Variants in ANO10 observed in about 807,000 individuals in gnomAD.
ANO10 encodes anoctamin-10.
Under a neutral mutation model 74.7 loss-of-function variants are expected in ANO10, and 77 were observed. That is an observed-to-expected ratio of 1.03 (90% CI 0.86 to 1.25). The LOEUF (loss-of-function observed/expected upper bound fraction) is 1.25, where lower values mean the gene tolerates loss of function less well. Among genes scored for constraint, ANO10 ranks in the 50% most tolerant of loss-of-function variants. ANO10 has a pLI of 0.00. For synonymous variants in ANO10, 279 were observed against 284.9 expected (o/e 0.98, Z 0.21); for missense variants, 721 against 778.1 (o/e 0.93, Z 0.87).
At chr3:43,528,115 T>TA (rs886367949) in intron 11 of ANO10, among the ~76,000 whole-genome samples, 17 of 150,110 alleles carry the variant, frequency 1.1e-4, no homozygotes, top group African/African-American at 3.2e-4. Context: ...GCTCTCAAAC[T>TA]AAAAAAACTC....
At chr3:43,580,284 C>T (rs1446013257) in intron 5 of ANO10, 69 bp downstream of exon 5, 21 of 1,603,510 alleles carry the variant, frequency 1.3e-5, no homozygotes, top group Non-Finnish European at 1.8e-5. Context: ...GGAGCTGACT[C>T]CACTGCTAGA....
intron 1 of ANO10, among the ~76,000 whole-genome samples, chr3:43,617,521 C>A (rs1407030837): frequency 6.6e-6 from 1 of 152,106 alleles, no homozygotes; most frequent in Non-Finnish European, 1.5e-5. Flanking sequence ...AAGTTAAATT[C>A]ATGTGGCTTT....
chr3:43,542,425 G>A (rs944742382), intron 11 of ANO10, among the ~76,000 whole-genome samples: 1 of 152,152 alleles, frequency 6.6e-6, no homozygotes, highest in Non-Finnish European at 1.5e-5. Flanking sequence ...TAACACAGAC[G>A]GAACCAATGC....
intron 1 of ANO10, chr3:43,690,060 CTTT>C (rs544735533): frequency 4.2e-5 from 6 of 142,406 alleles, no homozygotes; most frequent in Non-Finnish European, 3.1e-5. Context: ...TAAACATAGA[CTTT>C]TTTTTTTTTT....
intron 11 of ANO10, among the ~76,000 whole-genome samples, chr3:43,544,832 C>A (rs561508627): frequency 1.0e-4 from 15 of 148,598 alleles, no homozygotes; most frequent in Middle Eastern, 3.5e-3. Flanking sequence ...CAGAAACCTG[C>A]GTAAAAAATA....
chr3:43,508,953 A>G (rs532183350), intron 11 of ANO10, among the ~76,000 whole-genome samples: 65 of 31,006 alleles, frequency 2.1e-3, no homozygotes, highest in Admixed American at 0.011. Flanking sequence ...TAAAAAAAAA[A>G]AAAAGAAAAG....
intron 1 of ANO10, among the ~76,000 whole-genome samples, chr3:43,678,525 G>C (rs972947029): frequency 2.6e-5 from 4 of 152,144 alleles, no homozygotes; most frequent in African/African-American, 7.2e-5. Context: ...ATCCTGTCCT[G>C]TTCCATTCTG....
intron 12 of ANO10, among the ~76,000 whole-genome samples, chr3:43,412,959 G>A (rs896215183): frequency 3.3e-5 from 5 of 152,168 alleles, no homozygotes; most frequent in African/African-American, 1.2e-4. Flanking sequence ...GACAAGGCAG[G>A]AGAATCACAT....
chr3:43,387,977 TTGGATATTCA>T (rs1401321485), intron 12 of ANO10, among the ~76,000 whole-genome samples: 1 of 152,134 alleles, frequency 6.6e-6, no homozygotes, highest in African/African-American at 2.4e-5. Context: ...CAATCCTAAA[TTGGATATTCA>T]CCTTTCTTAG....
intron 1 of ANO10, among the ~76,000 whole-genome samples, chr3:43,644,325 CTT>C (rs767356227): frequency 1.3e-5 from 2 of 152,102 alleles, no homozygotes; most frequent in Non-Finnish European, 1.5e-5. Context: ...CAGGAAATAA[CTT>C]GATTTAGTTT....
intron 11 of ANO10, among the ~76,000 whole-genome samples, chr3:43,455,055 T>C (rs538732699): frequency 6.6e-6 from 1 of 152,182 alleles, no homozygotes; most frequent in East Asian, 1.9e-4. Context: ...ATGTGGGCCA[T>C]CTGCAGTGAC....
At chr3:43,390,757 A>T (rs1411088003) in intron 12 of ANO10, among the ~76,000 whole-genome samples, 1 of 152,120 alleles carries the variant, frequency 6.6e-6, no homozygotes, top group Non-Finnish European at 1.5e-5. Flanking sequence ...TCAAAATTAG[A>T]CTCAAAAGTG....
intron 11 of ANO10, among the ~76,000 whole-genome samples, chr3:43,533,992 TA>T (rs1315255563): frequency 6.6e-6 from 1 of 152,216 alleles, no homozygotes; most frequent in Non-Finnish European, 1.5e-5. Context: ...ATCTGCACAT[TA>T]AATATGCCTG....
intron 12 of ANO10, among the ~76,000 whole-genome samples, chr3:43,421,680 T>C (rs186322559): frequency 6.6e-6 from 1 of 151,602 alleles, no homozygotes; most frequent in African/African-American, 2.4e-5. Flanking sequence ...TACAGAAAAA[T>C]ACAAAATATT....
chr3:43,379,323 T>C (rs999894484), intron 12 of ANO10, among the ~76,000 whole-genome samples: 1 of 152,258 alleles, frequency 6.6e-6, no homozygotes, highest in Non-Finnish European at 1.5e-5. Flanking sequence ...ATTAAAAATA[T>C]TGAATGTGCT....
chr3:43,690,980 C>G, intron 1 of ANO10: 1 of 1,571,500 alleles, frequency 6.4e-7, no homozygotes, highest in Non-Finnish European at 8.6e-7. Flanking sequence ...CCGGCGCTTG[C>G]GCGGCGGCGG....
chr3:43,549,421 G>T (rs148544263), intron 11 of ANO10, among the ~76,000 whole-genome samples: 2,001 of 152,208 alleles, frequency 0.013, 25 homozygotes, highest in Non-Finnish European at 0.023. Flanking sequence ...GATTACAGAC[G>T]TGAGCCATGG....
At position 43,398,976 on chromosome 3, in the gene ANO10, C is replaced by T. The variant is rs143031340; in HGVS notation, c.1915-32002G>A. On this transcript the variant is annotated intron_variant, in intron 12 of 12. Coordinates refer to ENST00000292246, the MANE Select transcript of ANO10 (RefSeq NM_018075.5). ...CCCAAGTAGCTGAACTACAGGCGTG[C>T]GACACCATGCCCAGCTAATTTTTGT... 3.5e-4 allele frequency among the ~76,000 whole-genome samples: 53 copies of T among 152,208 alleles called. No homozygotes were observed. In the East Asian group the frequency reaches 9.5e-3, roughly 27 times the overall value.
At chr3:43,578,784 A>C (rs2081132392) in intron 5 of ANO10, among the ~76,000 whole-genome samples, 1 of 141,688 alleles carries the variant, frequency 7.1e-6, no homozygotes, top group African/African-American at 2.5e-5. Flanking sequence ...AAAAAGGAGT[A>C]GCTAACAGAT....
Sources: allele counts gnomAD v4.1 joint callset (sites outside exome capture counted in the v4.1 genomes callset), GRCh38; gene constraint gnomAD v4.1.1; transcripts MANE v1.5; gene names NCBI Gene and HGNC (gene_info 2026-07-23, HGNC 2026-07-21).